The following RALYL variants were observed in gnomAD, a reference collection of about 807,000 sequenced individuals.
RALYL encodes the protein RALY RNA binding protein like.
RALYL carries 29 observed loss-of-function variants against 35.1 expected under a neutral mutation model. The observed-to-expected ratio is 0.83, with a 90% CI of 0.61 to 1.13. The LOEUF is 1.13. Ranked by LOEUF, RALYL falls within the 50% of genes most tolerant of loss-of-function variation. The pLI is 0.00. For missense variants in RALYL, 359 were observed against 360.4 expected, an observed-to-expected ratio of 1.00 and a Z score of 0.03; for synonymous variants, 120 against 127.6, an observed-to-expected ratio of 0.94 and a Z score of 0.40.
chr8:84,345,892 A>G (rs969076079), intron 1 of RALYL, among the ~76,000 whole-genome samples: 2 of 152,096 alleles, frequency 1.3e-5, no homozygotes, highest in Non-Finnish European at 2.9e-5. Flanking sequence ...GGTACCATGG[A>G]CTGTGCATCA....
chr8:84,552,982 A>G (rs916528976), intron 2 of RALYL, among the ~76,000 whole-genome samples: 2 of 152,146 alleles, frequency 1.3e-5, no homozygotes, highest in East Asian at 3.8e-4. Flanking sequence ...AAATTCACAC[A>G]CATACATACA....
At chr8:84,228,941 C>G (rs1304617471) in intron 1 of RALYL, among the ~76,000 whole-genome samples, 1 of 152,150 alleles carries the variant, frequency 6.6e-6, no homozygotes, top group African/African-American at 2.4e-5. Context: ...ACCCTTGACA[C>G]ATGGGTATTA....
At chr8:84,186,123 A>G (rs1030375988) in intron 1 of RALYL, among the ~76,000 whole-genome samples, 1 of 152,194 alleles carries the variant, frequency 6.6e-6, no homozygotes, top group African/African-American at 2.4e-5. Context: ...TTCTCTGTGA[A>G]GGAAATCCTG....
chr8:84,304,567 G>A (rs1461306822), intron 1 of RALYL, among the ~76,000 whole-genome samples: 1 of 151,774 alleles, frequency 6.6e-6, no homozygotes, highest in Non-Finnish European at 1.5e-5. Context: ...ATCATATCCT[G>A]TGTTTTATGT....
chr8:84,519,914 C>T (rs895073227), intron 1 of RALYL, among the ~76,000 whole-genome samples: 3 of 152,194 alleles, frequency 2.0e-5, no homozygotes, highest in Non-Finnish European at 4.4e-5. Context: ...CCATGGTCCT[C>T]GGCCCTCTGC....
chr8:84,873,206 G>A (rs1472688504), intron 6 of RALYL, 78 bp from the exon 7 acceptor site: 3 of 675,538 alleles, frequency 4.4e-6, no homozygotes, highest in Non-Finnish European at 7.7e-6. Flanking sequence ...AAAATACGGG[G>A]TCCCTGTGAG....
At chr8:84,212,472 A>C (rs560355771) in intron 1 of RALYL, among the ~76,000 whole-genome samples, 3 of 152,314 alleles carry the variant, frequency 2.0e-5, no homozygotes, top group Non-Finnish European at 4.4e-5. Flanking sequence ...ACATGTAATA[A>C]GTAACATGAA....
At chr8:84,811,196 T>C (rs2134096645) in intron 4 of RALYL, among the ~76,000 whole-genome samples, 1 of 152,312 alleles carries the variant, frequency 6.6e-6, no homozygotes, top group South Asian at 2.1e-4. Context: ...GCAATTCTTA[T>C]AGTGGTGGTT....
chr8:84,453,917 T>G (rs2049819301), intron 1 of RALYL, among the ~76,000 whole-genome samples: 1 of 152,034 alleles, frequency 6.6e-6, no homozygotes, highest in Non-Finnish European at 1.5e-5. Context: ...TTATTTTTAT[T>G]TGTTTATTTA....
chr8:84,747,600 A>G (rs1808917189), intron 2 of RALYL, among the ~76,000 whole-genome samples: 1 of 151,938 alleles, frequency 6.6e-6, no homozygotes, highest in South Asian at 2.1e-4. Flanking sequence ...TCCTAAGAAC[A>G]TAAGCAGTTC....
chr8:84,763,560 T>C (rs1813186383), intron 2 of RALYL, among the ~76,000 whole-genome samples: 2 of 152,188 alleles, frequency 1.3e-5, no homozygotes, highest in Non-Finnish European at 2.9e-5. Flanking sequence ...TTAAGCAAAG[T>C]TCTAAACATA....
At chr8:84,404,438 T>C (rs1004942316) in intron 1 of RALYL, among the ~76,000 whole-genome samples, 4 of 152,152 alleles carry the variant, frequency 2.6e-5, no homozygotes, top group Admixed American at 1.3e-4. Flanking sequence ...ATCATGTGGT[T>C]TTTGTCATTG....
chr8:84,770,367 G>T (rs538620995), intron 2 of RALYL, among the ~76,000 whole-genome samples: 22 of 151,920 alleles, frequency 1.4e-4, no homozygotes, highest in African/African-American at 3.6e-4. Context: ...GCTGCAAATG[G>T]CAGTAATTTG....
At chr8:84,445,151 T>C (rs2048725701) in intron 1 of RALYL, among the ~76,000 whole-genome samples, 2 of 152,100 alleles carry the variant, frequency 1.3e-5, no homozygotes, top group South Asian at 4.1e-4. Flanking sequence ...TGTTGAAAGA[T>C]AGCTTAACAT....
At chr8:84,671,783 C>A (rs1214548799) in intron 2 of RALYL, among the ~76,000 whole-genome samples, 1 of 152,170 alleles carries the variant, frequency 6.6e-6, no homozygotes. Context: ...GGCCTCTGGG[C>A]CTGTGATGGG....
intron 2 of RALYL, among the ~76,000 whole-genome samples, chr8:84,619,149 T>C (rs992573005): frequency 9.9e-5 from 15 of 151,552 alleles, no homozygotes; most frequent in African/African-American, 2.9e-4. Flanking sequence ...TGGGTATCCT[T>C]GTTGACTTTC....
intron 7 of RALYL, among the ~76,000 whole-genome samples, chr8:84,882,436 T>G (rs574651956): frequency 5.9e-5 from 9 of 152,166 alleles, no homozygotes; most frequent in Admixed American, 2.6e-4. Context: ...CTTTGTGGTT[T>G]GGGATTGTCA....
intron 2 of RALYL, among the ~76,000 whole-genome samples, chr8:84,743,404 G>A (rs1807831561): frequency 6.6e-6 from 1 of 151,678 alleles, no homozygotes; most frequent in African/African-American, 2.4e-5. Flanking sequence ...ATGTCATTTA[G>A]CATTCTTGCT....
intron 1 of RALYL, among the ~76,000 whole-genome samples, chr8:84,443,137 G>C (rs956328385): frequency 6.6e-6 from 1 of 152,060 alleles, no homozygotes; most frequent in African/African-American, 2.4e-5. Flanking sequence ...ATTTTATTAG[G>C]TGAGTGTTAT....
Sources: allele counts gnomAD v4.1 joint callset (sites outside exome capture counted in the v4.1 genomes callset), GRCh38; gene constraint gnomAD v4.1.1; transcripts MANE v1.5; gene names NCBI Gene and HGNC (gene_info 2026-07-23, HGNC 2026-07-21).